SWT1: variants seen among roughly 807,000 people sequenced by gnomAD.
SWT1 encodes the protein SWT1 RNA endoribonuclease homolog.
A neutral mutation model predicts 107.3 loss-of-function variants in SWT1; 33 were observed. That is an observed-to-expected ratio of 0.31 (90% CI 0.23 to 0.41). SWT1 has a LOEUF of 0.41. Ranked by LOEUF, SWT1 falls within the 10% of genes least tolerant of loss-of-function variation. The pLI, the probability that SWT1 is intolerant of heterozygous loss-of-function variation, is 1.00. For missense variants in SWT1, 898 were observed against 1,028.9 expected (o/e 0.87, Z 1.74); for synonymous variants, 345 against 348.3 (o/e 0.99, Z 0.11).
chr1:185,249,827 T>G (rs1661878470), intron 16 of SWT1, among the ~76,000 whole-genome samples: 2 of 152,242 alleles, frequency 1.3e-5, no homozygotes, highest in Admixed American at 6.5e-5. Context: ...CTCTTGGTTT[T>G]GGCTTCTGAT....
chr1:185,231,589 T>C lies in SWT1; in HGVS notation c.2322T>C (p.Phe774=). Reference sequence around the variant, plus strand: ...TTCTCTATTTTAGCACGGATGTATTTCAAAGATTGGGCTCAAATTCAGCTC... The same window carrying C: ...TTCTCTATTTTAGCACGGATGTATTCCAAAGATTGGGCTCAAATTCAGCTC... ...ITIYQNSTDV[F]QRLGSNSALT... Residue 774 remains phenylalanine, a synonymous_variant, in exon 16 of 19, where the codon TTT becomes TTC. Coordinates refer to ENST00000367500, the MANE Select transcript of SWT1 (RefSeq NM_017673.7). The C allele has an allele frequency of 6.2e-7, 1 of 1,608,084 alleles. No individual in the cohort carries two copies. The highest frequency in any genetic ancestry group is 8.5e-7 in the Non-Finnish European group (1 of 1,175,552).
Position 185,201,227 on chromosome 1 carries a change from T to C in SWT1, c.1524-1427T>C, listed in dbSNP as rs117001540. ...TCCACGGAGCTAGACCACTTGGCTC[T>C]GTGGCTTCAGTGCCCACTTCCAGGG... On this transcript the variant is annotated intron_variant, in intron 10 of 18. Coordinates refer to ENST00000367500, the MANE Select transcript of SWT1 (RefSeq NM_017673.7). 5.8e-3 allele frequency among the ~76,000 whole-genome samples: 889 copies of C among 152,208 alleles called. 30 individuals are homozygous for C. In the East Asian group the frequency reaches 0.094, roughly 16 times the overall value.
At chr1:185,250,555 C>T (rs1661934378) in intron 16 of SWT1, among the ~76,000 whole-genome samples, 1 of 152,196 alleles carries the variant, frequency 6.6e-6, no homozygotes, top group South Asian at 2.1e-4. Context: ...CCTCTGTGAG[C>T]TCATCCCAAC....
intron 16 of SWT1, among the ~76,000 whole-genome samples, chr1:185,240,343 C>G (rs1399574590): frequency 6.6e-6 from 1 of 151,982 alleles, no homozygotes; most frequent in African/African-American, 2.4e-5. Context: ...ACTGAAGTAG[C>G]TTTATTTGAA....
rs771033903 is a variant in SWT1 at position 185,184,728 on chromosome 1, C to G, written c.1241-15C>G. 6.3e-7 allele frequency: 1 copy of G among 1,591,624 alleles called. No individual in the cohort carries two copies. Among genetic ancestry groups the G allele is most frequent in the South Asian group, 1.1e-5 (1 of 88,288 alleles). On this transcript the variant is annotated splice_polypyrimidine_tract_variant and intron_variant, in intron 8 of 18. Coordinates refer to ENST00000367500, the MANE Select transcript of SWT1 (RefSeq NM_017673.7). ...AAATGTTTGTTAAATTCTAAGAAAT[C>G]TTTTTATTTTTTAGGTTTTGACAAA...
At chr1:185,271,252 G>A in intron 16 of SWT1, 71 bp from the exon 17 acceptor site, 1 of 793,066 alleles carries the variant, frequency 1.3e-6, no homozygotes. Flanking sequence ...TATGTTTTGG[G>A]AGAAAGTTCA....
At chr1:185,240,935 C>T (rs1661215881) in intron 16 of SWT1, among the ~76,000 whole-genome samples, 2 of 152,076 alleles carry the variant, frequency 1.3e-5, no homozygotes, top group South Asian at 2.1e-4. Context: ...GGAAAAGAAA[C>T]CTTAAAATCA....
intron 16 of SWT1, among the ~76,000 whole-genome samples, chr1:185,258,360 A>G (rs975813599): frequency 6.6e-6 from 1 of 152,074 alleles, no homozygotes; most frequent in Non-Finnish European, 1.5e-5. Context: ...ATTTGTTACT[A>G]TATAACACAG....
At chr1:185,238,997 T>C (rs1386399110) in intron 16 of SWT1, among the ~76,000 whole-genome samples, 1 of 152,140 alleles carries the variant, frequency 6.6e-6, no homozygotes, top group Non-Finnish European at 1.5e-5. Flanking sequence ...TTTCATTTGG[T>C]TTTGAGATGC....
rs79385377 is a variant in SWT1, at chr1:185,241,741, T to A, written c.2441+10033T>A. ...ATAGTCTTTGTGATAGAAGGCAACT[T>A]TTTTTAAGGCTGAATGCTAATTATA... On this transcript the variant is annotated intron_variant, in intron 16 of 18. Coordinates refer to ENST00000367500, the MANE Select transcript of SWT1 (RefSeq NM_017673.7). Among the ~76,000 whole-genome samples the A allele has an allele frequency of 1.2e-4, 18 of 152,200 alleles. No individual in the cohort carries two copies. The East Asian group carries it at 3.1e-3, about 26-fold the overall frequency.
chr1:185,249,285 C>T (rs1421893977), intron 16 of SWT1, among the ~76,000 whole-genome samples: 1 of 152,108 alleles, frequency 6.6e-6, no homozygotes, highest in Non-Finnish European at 1.5e-5. Flanking sequence ...CATATAGTGT[C>T]ATTTCCCCTA....
At chr1:185,274,418 G>C (rs1233663629) in intron 17 of SWT1, among the ~76,000 whole-genome samples, 1 of 150,914 alleles carries the variant, frequency 6.6e-6, no homozygotes, top group Non-Finnish European at 1.5e-5. Context: ...CATCCTCCCA[G>C]GTAGCTGGGA....
chr1:185,233,463 C>G lies in SWT1; in HGVS notation c.2441+1755C>G, dbSNP rs1558061265. Among the ~76,000 whole-genome samples, 3 of 152,288 alleles carry G rather than the reference C, an allele frequency of 2.0e-5. No individual in the cohort carries two copies. In the South Asian group the frequency reaches 6.2e-4, roughly 32 times the overall value. ...AGTGCTATAAATTTCCCTCTACACA[C>G]TGCTTTAAATGTGTCCCAGAGATTC... On this transcript the variant is annotated intron_variant, in intron 16 of 18. Transcript: ENST00000367500.
At chr1:185,188,293 A>AGT (rs1656668672) in intron 9 of SWT1, among the ~76,000 whole-genome samples, 1 of 152,192 alleles carries the variant, frequency 6.6e-6, no homozygotes. Context: ...TCTTAGAAAA[A>AGT]GTGGTATTAC....
At chr1:185,279,879 A>C (rs1030382370) in intron 18 of SWT1, among the ~76,000 whole-genome samples, 1 of 151,978 alleles carries the variant, frequency 6.6e-6, no homozygotes, top group Non-Finnish European at 1.5e-5. Context: ...CAATTATTTA[A>C]ATTGTCTGAA....
chr1:185,288,706 C>G (rs1665085277), intron 18 of SWT1, among the ~76,000 whole-genome samples: 1 of 152,090 alleles, frequency 6.6e-6, no homozygotes, highest in Admixed American at 6.6e-5. Context: ...AGATGCTATA[C>G]TAGATGTTGG....
At position 185,176,751 on chromosome 1, in the gene SWT1, G is replaced by A; in HGVS notation, c.966+1638G>A. 4 of 851,816 alleles carry A rather than the reference G, an allele frequency of 4.7e-6. No homozygotes were observed. In the South Asian group the frequency reaches 1.6e-4, roughly 34 times the overall value. The allele number at this position is 851,816 out of a possible 1,614,324, so 52.8% of individuals were successfully genotyped here. ...TGTAATCCCAGCACTTTGGGAGGCC[G>A]AGGTGGGCGGATCACGAGGTCAGGA... On this transcript the variant is annotated intron_variant, in intron 5 of 18. Transcript: ENST00000367500.
At chr1:185,256,481 T>C in intron 16 of SWT1, among the ~76,000 whole-genome samples, 1 of 151,558 alleles carries the variant, frequency 6.6e-6, no homozygotes, top group Non-Finnish European at 1.5e-5. Context: ...TGCTCATTTC[T>C]TTTTATTCTT....
intron 5 of SWT1, among the ~76,000 whole-genome samples, chr1:185,175,522 A>G (rs10047141): frequency 0.039 from 5,894 of 152,184 alleles, 375 homozygotes; most frequent in African/African-American, 0.13. Context: ...GCCACTGCAC[A>G]TGGCCTTTTT....
Sources: gnomAD v4.1 joint callset for allele counts (sites outside exome capture counted in the v4.1 genomes callset) on GRCh38, gnomAD v4.1.1 for gene constraint, MANE v1.5 for transcripts, NCBI Gene and HGNC (gene_info 2026-07-23, HGNC 2026-07-21) for gene names.